RGS12: variants seen among roughly 807,000 people sequenced by gnomAD.
RGS12 encodes regulator of G protein signaling 12, also known as regulator of G-protein signaling 12.
In RGS12, 66 loss-of-function variants were observed where a neutral mutation model predicts 120.1. The observed-to-expected ratio is 0.55, with a 90% CI of 0.45 to 0.67. RGS12 has a LOEUF of 0.67. RGS12 is among the 30% of genes least tolerant of loss of function. The pLI is 0.00. For synonymous variants in RGS12, 827 were observed against 804.7 expected (o/e 1.03, Z -0.47); for missense variants, 1,859 against 1,957.7 (o/e 0.95, Z 0.95).
rs62274877 is a variant in RGS12 at position 3,342,540 on chromosome 4, T to C, written c.1882-397T>C. On this transcript the variant is annotated intron_variant, in intron 2 of 17. Transcript: ENST00000336727. ...CGACTTTGCTGAAAACCTGCCTTCA[T>C]CTTTACTAATCATCATACTAGTCAT... The C allele has an allele frequency of 4.9e-3, 6,342 of 1,293,978 alleles. 44 individuals carry two copies. The highest frequency in any genetic ancestry group is 0.034 in the Middle Eastern group (161 of 4,716). 80.2% of individuals were successfully genotyped at this position (1,293,978 alleles called of 1,614,324 possible).
chr4:3,420,917 A>G (rs368637043), intron 10 of RGS12, among the ~76,000 whole-genome samples, 199 bp downstream of exon 10: 3 of 152,372 alleles, frequency 2.0e-5, no homozygotes, highest in East Asian at 1.9e-4. Flanking sequence ...CCCCGGCCTC[A>G]TGGTCCCCCA....
chr4:3,332,668 G>T (rs767518267), intron 2 of RGS12, among the ~76,000 whole-genome samples: 2 of 152,186 alleles, frequency 1.3e-5, no homozygotes, highest in African/African-American at 4.8e-5. Flanking sequence ...CTCTTGGGCT[G>T]TCTTTTCCTC....
chr4:3,292,787 C>T (rs1012274819), upstream of RGS12, among the ~76,000 whole-genome samples: 4 of 152,166 alleles, frequency 2.6e-5, no homozygotes, highest in Non-Finnish European at 4.4e-5. Flanking sequence ...GGAAGTCCCG[C>T]CCCCGGCCGT....
chr4:3,387,267 G>A (rs761268791), intron 4 of RGS12, among the ~76,000 whole-genome samples: 14 of 152,202 alleles, frequency 9.2e-5, no homozygotes, highest in Non-Finnish European at 1.8e-4. Flanking sequence ...TGGGTTTGAG[G>A]TGCCACTGTA....
In RGS12 at chr4:3,343,110, C is replaced by T. The variant is rs1201380538; in HGVS notation, c.1998+57C>T. 3 of 1,275,362 alleles carry T rather than the reference C, an allele frequency of 2.4e-6. No individual in the cohort carries two copies. In the Admixed American group the frequency reaches 5.3e-5, roughly 23 times the overall value. 79.0% of individuals were successfully genotyped at this position (1,275,362 alleles called of 1,614,324 possible). A position where few individuals can be genotyped will look rare whatever the true frequency, so the allele number is the denominator to read the frequency against. On this transcript the variant is annotated intron_variant, in intron 3 of 17. Transcript: ENST00000336727. Reference sequence around the variant, plus strand: ...CTTCAAGTTTTAAAAAATGCAAGTCCACCTTGCAGATACGTCTGGCTGTTT... The same window carrying T: ...CTTCAAGTTTTAAAAAATGCAAGTCTACCTTGCAGATACGTCTGGCTGTTT...
rs2109214830 is a variant in RGS12 at position 3,428,437 on chromosome 4, A to G, written c.3412-121A>G. On this transcript the variant is annotated intron_variant, in intron 15 of 17. Coordinates refer to ENST00000336727, the MANE Select transcript of RGS12 (RefSeq NM_001394154.1). Reference sequence around the variant, plus strand: ...TTATCATTGCAATGGTTTTTCTGCAATGCATGTAAATTCTGTATCAATGCA... The same window carrying G: ...TTATCATTGCAATGGTTTTTCTGCAGTGCATGTAAATTCTGTATCAATGCA... 4.4e-6 allele frequency: 4 copies of G among 906,498 alleles called. No individual in the cohort carries two copies. The South Asian group carries it at 5.0e-5, about 11-fold the overall frequency. The allele number at this position is 906,498 out of a possible 1,614,324, so 56.2% of individuals were successfully genotyped here.
intron 4 of RGS12, among the ~76,000 whole-genome samples, chr4:3,395,683 C>T (rs1280804869): frequency 6.6e-6 from 1 of 152,036 alleles, no homozygotes; most frequent in Non-Finnish European, 1.5e-5. Context: ...GAATTGATCA[C>T]CTTTTCATAT....
intron 3 of RGS12, among the ~76,000 whole-genome samples, chr4:3,362,536 AGG>A (rs1715715094): frequency 1.3e-5 from 1 of 76,612 alleles, no homozygotes; most frequent in African/African-American, 5.4e-5. Context: ...GTGTGTTGTG[AGG>A]GTTTGTGTGA....
chr4:3,424,105 T>A (rs930406256), intron 13 of RGS12, among the ~76,000 whole-genome samples: 1 of 152,232 alleles, frequency 6.6e-6, no homozygotes. Flanking sequence ...ATTTCCAGGC[T>A]GCGCCATTAT....
intron 10 of RGS12, among the ~76,000 whole-genome samples, chr4:3,421,681 G>A (rs1332509648): frequency 2.0e-5 from 3 of 152,252 alleles, no homozygotes; most frequent in African/African-American, 7.2e-5. Flanking sequence ...TCCCACAGCC[G>A]GCTCAGGGAC....
chr4:3,343,774 A>G (rs559371507), intron 3 of RGS12, among the ~76,000 whole-genome samples: 1 of 151,118 alleles, frequency 6.6e-6, no homozygotes, highest in East Asian at 2.0e-4. Context: ...CTCCCGTTGA[A>G]CTCTGACAAC....
At chr4:3,410,481 TG>T (rs1234399301) in intron 4 of RGS12, among the ~76,000 whole-genome samples, 4 of 148,232 alleles carry the variant, frequency 2.7e-5, no homozygotes, top group Admixed American at 6.8e-5. Context: ...TCTGTGCCTT[TG>T]GGGGGGCTGT....
chr4:3,419,318 G>T (rs1162845061), intron 9 of RGS12: 1 of 147,772 alleles, frequency 6.8e-6, no homozygotes, highest in South Asian at 2.1e-4. Flanking sequence ...GCAACAGAGC[G>T]AGACTCCGTC....
At chr4:3,424,409 T>C (rs1275078536) in intron 13 of RGS12, among the ~76,000 whole-genome samples, 1 of 152,256 alleles carries the variant, frequency 6.6e-6, no homozygotes, top group East Asian at 1.9e-4. Flanking sequence ...GAGGGTAACC[T>C]GAAGCCTCTT....
At chr4:3,397,527 TGA>T (rs1720159143) in intron 4 of RGS12, among the ~76,000 whole-genome samples, 1 of 152,140 alleles carries the variant, frequency 6.6e-6, no homozygotes, top group Non-Finnish European at 1.5e-5. Context: ...TGGAACGACG[TGA>T]GAGGGGTCCC....
chr4:3,424,153 G>A (rs1723350302), intron 13 of RGS12, among the ~76,000 whole-genome samples: 1 of 152,274 alleles, frequency 6.6e-6, no homozygotes, highest in African/African-American at 2.4e-5. Flanking sequence ...ACCGCGTGGG[G>A]TGGTGACCGC....
At chr4:3,342,791 T>A (rs1713374782) in intron 2 of RGS12, 146 bp from the exon 3 acceptor site, 4 of 728,944 alleles carry the variant, frequency 5.5e-6, no homozygotes, top group Non-Finnish European at 7.1e-6. Flanking sequence ...ATACCTAAGA[T>A]TTACCCTGGG....
At chr4:3,357,612 G>T (rs1715013798) in intron 3 of RGS12, among the ~76,000 whole-genome samples, 1 of 152,096 alleles carries the variant, frequency 6.6e-6, no homozygotes, top group South Asian at 2.1e-4. Context: ...ACCATTTATT[G>T]AAGAGATTAT....
chr4:3,430,374 A>G (rs771909409), intron 16 of RGS12, 33 bp from the exon 17 acceptor site: 1 of 1,575,800 alleles, frequency 6.3e-7, no homozygotes, highest in Non-Finnish European at 8.7e-7. Context: ...GAAACTCTCT[A>G]AAACACGGTC....
Sources: allele counts gnomAD v4.1 joint callset (sites outside exome capture counted in the v4.1 genomes callset), GRCh38; gene constraint gnomAD v4.1.1; transcripts MANE v1.5; gene names NCBI Gene and HGNC (gene_info 2026-07-23, HGNC 2026-07-21).